PLCL1: variants seen among roughly 807,000 people sequenced by gnomAD.
PLCL1 encodes phospholipase C like 1 (inactive).
In PLCL1, 41 loss-of-function variants were observed where a neutral mutation model predicts 84.4. The ratio of observed to expected loss-of-function variants is 0.49; its 90% CI spans 0.38 to 0.63. PLCL1 has a LOEUF of 0.63. PLCL1 is among the 30% of genes least tolerant of loss of function. The pLI is 0.00. For synonymous variants in PLCL1, 490 were observed against 488.3 expected (o/e 1.00, Z -0.05); for missense variants, 1,206 against 1,367.8 (o/e 0.88, Z 1.87).
At chr2:197,816,452 T>C (rs1404639130) in intron 1 of PLCL1, among the ~76,000 whole-genome samples, 1 of 152,156 alleles carries the variant, frequency 6.6e-6, no homozygotes, top group Non-Finnish European at 1.5e-5. Context: ...TTTATTGCAA[T>C]ATTTGCTTAA....
At chr2:198,009,311 T>C (rs1690810203) in intron 1 of PLCL1, among the ~76,000 whole-genome samples, 1 of 152,022 alleles carries the variant, frequency 6.6e-6, no homozygotes, top group Admixed American at 6.6e-5. Context: ...AGTTTAACAG[T>C]TTTAAGTCTA....
intron 1 of PLCL1, among the ~76,000 whole-genome samples, chr2:197,989,877 C>T (rs1690300476): frequency 6.6e-6 from 1 of 152,110 alleles, no homozygotes; most frequent in Non-Finnish European, 1.5e-5. Context: ...CACCTGGAGT[C>T]CACTTGGAGA....
chr2:198,060,515 C>G (rs1401206063), intron 1 of PLCL1, among the ~76,000 whole-genome samples: 1 of 152,128 alleles, frequency 6.6e-6, no homozygotes, highest in Non-Finnish European at 1.5e-5. Context: ...GTACCTCTGG[C>G]CGAGTTGGAA....
At chr2:197,967,662 G>A (rs539475325) in intron 1 of PLCL1, among the ~76,000 whole-genome samples, 2 of 152,278 alleles carry the variant, frequency 1.3e-5, no homozygotes, top group African/African-American at 4.8e-5. Context: ...GGTCAGAAAA[G>A]TTATGTCTGC....
rs1688203997 is a variant in PLCL1, at chr2:197,898,705, A to T, written c.240+93366A>T. ...TACAATACTTATAATTTATTAATAT[A>T]AATGTGTGTGTGTATGTATTTCCTA... On this transcript the variant is annotated intron_variant, in intron 1 of 5. Coordinates refer to ENST00000428675, the MANE Select transcript of PLCL1 (RefSeq NM_006226.4). Among the ~76,000 whole-genome samples, 4 of 55,908 alleles carry T rather than the reference A, an allele frequency of 7.2e-5. No homozygotes were observed. In the South Asian group the frequency reaches 2.2e-3, roughly 31 times the overall value. 36.7% of individuals were successfully genotyped at this position (55,908 alleles called of 152,430 possible).
chr2:197,838,413 G>A (rs915709724), intron 1 of PLCL1, among the ~76,000 whole-genome samples: 2 of 152,132 alleles, frequency 1.3e-5, no homozygotes, highest in Non-Finnish European at 2.9e-5. Context: ...CTCTGTAGTG[G>A]CAGAAAAATT....
rs1694580819 is a variant in PLCL1, at chr2:198,148,589, G to A, written c.*1627G>A. ...AGTCATTTGAAGGCAAGTTTCCAAT[G>A]ATGCTACAATGGCCTGAAAAAATTT... is the stretch of plus-strand genomic sequence containing the variant. On this transcript the variant is annotated 3_prime_UTR_variant, in exon 6 of 6. Coordinates refer to ENST00000428675, the MANE Select transcript of PLCL1 (RefSeq NM_006226.4). The A allele has an allele frequency of 6.6e-6, 1 of 152,318 alleles. No homozygotes were observed. The highest frequency in any genetic ancestry group is 6.5e-5 in the Admixed American group (1 of 15,274). 9.4% of individuals were successfully genotyped at this position (152,318 alleles called of 1,614,324 possible).
chr2:197,864,690 C>A (rs990426147), intron 1 of PLCL1, among the ~76,000 whole-genome samples: 1 of 151,980 alleles, frequency 6.6e-6, no homozygotes, highest in African/African-American at 2.4e-5. Flanking sequence ...CCCCGGCTGG[C>A]CTTGAACTCA....
chr2:197,994,986 C>G (rs1407116895), intron 1 of PLCL1, among the ~76,000 whole-genome samples: 1 of 152,122 alleles, frequency 6.6e-6, no homozygotes, highest in Admixed American at 6.5e-5. Flanking sequence ...TTTCTCAAAG[C>G]CTTTCTCCAA....
intron 1 of PLCL1, among the ~76,000 whole-genome samples, chr2:198,015,898 A>G (rs2105834541): frequency 6.6e-6 from 1 of 152,324 alleles, no homozygotes; most frequent in African/African-American, 2.4e-5. Context: ...GATGCATTAA[A>G]AAATATATAT....
chr2:197,811,757 A>T (rs1259901369), intron 1 of PLCL1, among the ~76,000 whole-genome samples: 2 of 152,180 alleles, frequency 1.3e-5, no homozygotes, highest in African/African-American at 4.8e-5. Context: ...TATCTGCTTT[A>T]TTAATTCTTA....
intron 1 of PLCL1, among the ~76,000 whole-genome samples, chr2:197,824,829 G>A (rs1421788272): frequency 2.6e-5 from 4 of 151,776 alleles, no homozygotes; most frequent in South Asian, 4.2e-4. Context: ...GAACTCTTTC[G>A]AGCTGTTCAG....
chr2:197,863,825 T>G (rs1687478100), intron 1 of PLCL1, among the ~76,000 whole-genome samples: 1 of 152,152 alleles, frequency 6.6e-6, no homozygotes, highest in African/African-American at 2.4e-5. Flanking sequence ...AATATTAAAT[T>G]TCTCTATAAG....
intron 1 of PLCL1, among the ~76,000 whole-genome samples, chr2:198,022,193 G>T (rs1315436477): frequency 6.6e-6 from 1 of 152,116 alleles, no homozygotes; most frequent in African/African-American, 2.4e-5. Context: ...ACCCCTTCAT[G>T]CTAAAAACAC....
intron 1 of PLCL1, among the ~76,000 whole-genome samples, chr2:197,966,738 A>G (rs961088387): frequency 2.0e-5 from 3 of 151,260 alleles, no homozygotes; most frequent in Non-Finnish European, 4.4e-5. Flanking sequence ...GGTTCTTATG[A>G]TGGTGCTTTT....
chr2:197,874,154 G>A (rs1044823306), intron 1 of PLCL1, among the ~76,000 whole-genome samples: 5 of 152,010 alleles, frequency 3.3e-5, no homozygotes, highest in South Asian at 2.1e-4. Context: ...TCTCAATGGC[G>A]TGTAGTCACA....
At chr2:198,053,284 C>T (rs1344045079) in intron 1 of PLCL1, among the ~76,000 whole-genome samples, 1 of 152,226 alleles carries the variant, frequency 6.6e-6, no homozygotes, top group African/African-American at 2.4e-5. Flanking sequence ...GGTTCAACCC[C>T]TGCAGGCTGA....
At chr2:197,994,245 TGAG>T (rs1220148910) in intron 1 of PLCL1, among the ~76,000 whole-genome samples, 1 of 152,114 alleles carries the variant, frequency 6.6e-6, no homozygotes, top group Non-Finnish European at 1.5e-5. Context: ...TCAGTAGAGA[TGAG>T]GAGAAGGGTA....
intron 1 of PLCL1, among the ~76,000 whole-genome samples, chr2:197,854,801 T>C (rs1462115551): frequency 6.6e-6 from 1 of 152,220 alleles, no homozygotes; most frequent in Non-Finnish European, 1.5e-5. Context: ...GAATTAATTA[T>C]GGAGGGTCTC....
Sources: allele counts gnomAD v4.1 joint callset (sites outside exome capture counted in the v4.1 genomes callset), GRCh38; gene constraint gnomAD v4.1.1; transcripts MANE v1.5; gene names NCBI Gene and HGNC (gene_info 2026-07-23, HGNC 2026-07-21).